The following GFRA3 variants were observed in gnomAD, a reference collection of about 807,000 sequenced individuals.
GFRA3 encodes GDNF family receptor alpha 3, also known as GDNF family receptor alpha-3.
GFRA3 carries 24 observed loss-of-function variants against 40.0 expected under a neutral mutation model. The observed-to-expected ratio is 0.60, with a 90% CI of 0.43 to 0.84. The LOEUF is 0.84. Among genes scored for constraint, GFRA3 ranks in the 40% least tolerant of loss-of-function variants. The probability of loss-of-function intolerance (pLI) is 0.00; values close to 1 mark genes in which losing one functional copy is unlikely to be tolerated. For missense variants in GFRA3, 405 were observed against 530.6 expected, an observed-to-expected ratio of 0.76 and a Z score of 2.33; for synonymous variants, 203 against 213.5, an observed-to-expected ratio of 0.95 and a Z score of 0.43.
At chr5:138,253,697 G>A (rs373017537) in intron 6 of GFRA3, 69 bp downstream of exon 6, 16 of 1,465,162 alleles carry the variant, frequency 1.1e-5, no homozygotes, top group African/African-American at 2.8e-5. Context: ...CCACAGAGTC[G>A]ACCCTTTTCC....
In GFRA3 at chr5:138,272,374, G is replaced by A. The variant is rs528791740; in HGVS notation, c.91+1960C>T. Reference sequence around the variant, plus strand: ...CAGATTTTAGGCCGGGTGCGGTGGCGCACACCTTTAATTGCAGCACTTTGG... The same window carrying A: ...CAGATTTTAGGCCGGGTGCGGTGGCACACACCTTTAATTGCAGCACTTTGG... On this transcript the variant is annotated intron_variant, in intron 1 of 7. Transcript: ENST00000274721. Among the ~76,000 whole-genome samples the A allele has an allele frequency of 1.6e-3, 241 of 149,510 alleles. 1 individual carries two copies. Among genetic ancestry groups the A allele is most frequent in the African/African-American group, 4.8e-3 (194 of 40,528 alleles).
rs66792829 is a variant in GFRA3 at position 138,258,166 on chromosome 5, C to CTTTTTTTT, written c.473-223_473-216dup. On this transcript the variant is annotated intron_variant, in intron 3 of 7. Transcript: ENST00000274721. ...TTGAAGCCTTCCCCACCCTACTCCTCTTTTTTTTTTTTTTTTTTTTTTTTT... is the reference window on the plus strand; with the variant it reads ...TTGAAGCCTTCCCCACCCTACTCCTCTTTTTTTTTTTTTTTTTTTTTTTTTTTTTTTTT... Among the ~76,000 whole-genome samples, 139 of 51,648 alleles carry CTTTTTTTT rather than the reference C, an allele frequency of 2.7e-3. 23 individuals carry two copies. The highest frequency in any genetic ancestry group is 3.2e-3 in the Non-Finnish European group (97 of 30,040). 33.9% of individuals were successfully genotyped at this position (51,648 alleles called of 152,430 possible).
chr5:138,254,334 C>T (rs909268312), intron 4 of GFRA3, among the ~76,000 whole-genome samples, 174 bp from the exon 5 acceptor site: 3 of 152,016 alleles, frequency 2.0e-5, no homozygotes, highest in Non-Finnish European at 4.4e-5. Context: ...ACTACAGTCA[C>T]GTGCCACCAC....
At chr5:138,265,261 G>C (rs1755767497) in intron 1 of GFRA3, among the ~76,000 whole-genome samples, 1 of 144,216 alleles carries the variant, frequency 6.9e-6, no homozygotes, top group Non-Finnish European at 1.5e-5. Flanking sequence ...TTGTTACCCA[G>C]GTTGGAGTGC....
At chr5:138,258,016 AGGAACCCC>A in intron 3 of GFRA3, 65 bp from the exon 4 acceptor site, 1 of 1,335,236 alleles carries the variant, frequency 7.5e-7, no homozygotes, top group Non-Finnish European at 1.1e-6. Context: ...CAGGTTCCAC[AGGAACCCC>A]GGAAACCCCT....
At chr5:138,265,128 T>C (rs1755764766) in intron 1 of GFRA3, among the ~76,000 whole-genome samples, 1 of 150,902 alleles carries the variant, frequency 6.6e-6, no homozygotes, top group East Asian at 2.0e-4. Context: ...CCCTGCATCC[T>C]AGGATTTAGG....
intron 1 of GFRA3, among the ~76,000 whole-genome samples, chr5:138,273,215 T>C (rs1755902045): frequency 1.3e-5 from 2 of 152,166 alleles, no homozygotes; most frequent in South Asian, 4.1e-4. Flanking sequence ...AAGCCCTCTG[T>C]TGGTCTGTGC....
At position 138,262,861 on chromosome 5, in the gene GFRA3, T is replaced by A. The variant is rs534651933; in HGVS notation, c.379+1400A>T. On this transcript the variant is annotated intron_variant, in intron 2 of 7. Transcript: ENST00000274721. ...GCAGATGACTTGTCTTTTTAGTTCA[T>A]AAGTTTTTAGATTAAGAGGAGCCAC... is the stretch of plus-strand genomic sequence containing the variant. Among the ~76,000 whole-genome samples the A allele has an allele frequency of 2.6e-5, 4 of 152,306 alleles. No individual in the cohort carries two copies. In the South Asian group the frequency reaches 8.3e-4, roughly 32 times the overall value.
At chr5:138,262,064 T>G (rs377581012) in intron 2 of GFRA3, among the ~76,000 whole-genome samples, 2 of 152,290 alleles carry the variant, frequency 1.3e-5, no homozygotes, top group East Asian at 3.9e-4. Flanking sequence ...ATCAAAGATA[T>G]AAGCAGCAAT....
intron 2 of GFRA3, among the ~76,000 whole-genome samples, chr5:138,263,546 T>C (rs1478021699): frequency 6.6e-6 from 1 of 152,190 alleles, no homozygotes; most frequent in African/African-American, 2.4e-5. Context: ...GTAGTGTATA[T>C]AAGATTTGAG....
intron 6 of GFRA3, among the ~76,000 whole-genome samples, 160 bp from the exon 7 acceptor site, chr5:138,253,535 G>T (rs1755581526): frequency 6.6e-6 from 1 of 152,178 alleles, no homozygotes; most frequent in South Asian, 2.1e-4. Flanking sequence ...TGTTTCTTGA[G>T]CTGGAGATGT....
intron 3 of GFRA3, 34 bp downstream of exon 3, chr5:138,259,523 G>T: frequency 1.1e-6 from 1 of 937,398 alleles, no homozygotes; most frequent in Non-Finnish European, 1.8e-6. Context: ...TCCAGCCCCA[G>T]CCTCTGGTTC....
At position 138,257,683 on chromosome 5, in the gene GFRA3, G is replaced by T; in HGVS notation, c.741C>A (p.Asn247Lys). The change falls in exon 4 of 8, where the codon AAC becomes AAA. Residue 247 changes from asparagine to lysine, a missense_variant. Coordinates refer to ENST00000274721, the MANE Select transcript of GFRA3 (RefSeq NM_001496.4). The stretch of plus-strand genomic sequence containing the variant: ...AGCAGAGGCGCCGCAGCTCCAGGCA[G>T]TTGGGGGCCACAGGCGGCAGCGCGC... ...PNCALPPVAP[N>K]CLELRRLCFS... 6.2e-7 allele frequency: 1 copy of T among 1,610,030 alleles called. No individual in the cohort carries two copies. Among genetic ancestry groups the T allele is most frequent in the Non-Finnish European group, 8.5e-7 (1 of 1,179,118 alleles).
chr5:138,260,010 G>A (rs555327117), intron 2 of GFRA3, among the ~76,000 whole-genome samples: 2 of 152,162 alleles, frequency 1.3e-5, no homozygotes, highest in South Asian at 2.1e-4. Flanking sequence ...GAGGAAGTTC[G>A]GAAAGAGAAG....
At chr5:138,263,117 C>T (rs1314049512) in intron 2 of GFRA3, among the ~76,000 whole-genome samples, 1 of 152,106 alleles carries the variant, frequency 6.6e-6, no homozygotes, top group African/African-American at 2.4e-5. Flanking sequence ...AGGTGCCCAC[C>T]ACCATGCCCA....
At chr5:138,255,181 A>G (rs1288061618) in intron 4 of GFRA3, among the ~76,000 whole-genome samples, 1 of 152,078 alleles carries the variant, frequency 6.6e-6, no homozygotes, top group East Asian at 1.9e-4. Flanking sequence ...TGTGAGGTTT[A>G]GATGAGTTAA....
At chr5:138,260,825 T>C (rs1755699023) in intron 2 of GFRA3, among the ~76,000 whole-genome samples, 1 of 148,690 alleles carries the variant, frequency 6.7e-6, no homozygotes, top group African/African-American at 2.5e-5. Flanking sequence ...CCTAGGAACT[T>C]GAGACCAGCC....
At chr5:138,270,061 C>T (rs1755845449) in intron 1 of GFRA3, among the ~76,000 whole-genome samples, 1 of 151,592 alleles carries the variant, frequency 6.6e-6, no homozygotes, top group Non-Finnish European at 1.5e-5. Context: ...TACTACTCAG[C>T]CATAAAAAGG....
At chr5:138,266,639 C>T (rs578154092) in intron 1 of GFRA3, among the ~76,000 whole-genome samples, 7 of 152,118 alleles carry the variant, frequency 4.6e-5, no homozygotes, top group Non-Finnish European at 8.8e-5. Flanking sequence ...ACTGTGCTCC[C>T]AAGTAAACCA....
Sources: gnomAD v4.1 joint callset for allele counts (sites outside exome capture counted in the v4.1 genomes callset) on GRCh38, gnomAD v4.1.1 for gene constraint, MANE v1.5 for transcripts, NCBI Gene and HGNC (gene_info 2026-07-23, HGNC 2026-07-21) for gene names.